DNAH12: variants seen among roughly 807,000 people sequenced by gnomAD.
DNAH12 encodes dynein axonemal heavy chain 12, also known as axonemal beta dynein heavy chain 12.
DNAH12 carries 285 observed loss-of-function variants against 371.5 expected under a neutral mutation model. That is an observed-to-expected ratio of 0.77 (90% CI 0.70 to 0.85). The LOEUF (loss-of-function observed/expected upper bound fraction) is 0.85. Ranked by LOEUF, DNAH12 falls within the 40% of genes least tolerant of loss-of-function variation. The probability of loss-of-function intolerance (pLI) is 0.00; values close to 1 mark genes in which losing one functional copy is unlikely to be tolerated. For missense variants in DNAH12, 3,611 were observed against 3,689.4 expected (o/e 0.98, Z 0.55); for synonymous variants, 1,200 against 1,213.0 (o/e 0.99, Z 0.22).
rs115211291 is a variant in DNAH12 at position 57,510,824 on chromosome 3, T to C, written c.435A>G (p.Ser145=). ...TCTTCATGCTGTTTTCAAAGTCACTTGACACCTCATTTATGAGACTTTCAA... is the reference window on the plus strand; with the variant it reads ...TCTTCATGCTGTTTTCAAAGTCACTCGACACCTCATTTATGAGACTTTCAA... ...ELLESLINEV[S]SDFENSMKRY... The change falls in exon 5 of 74, where the codon TCA becomes TCG. Residue 145 remains serine (S), a synonymous_variant. Transcript: ENST00000495027. 1.2e-6 allele frequency: 2 copies of C among 1,614,070 alleles called. No individual in the cohort carries two copies. Among genetic ancestry groups the C allele is most frequent in the East Asian group, 2.2e-5 (1 of 44,884 alleles).
intron 45 of DNAH12, among the ~76,000 whole-genome samples, chr3:57,391,128 T>C (rs2063613523): frequency 6.6e-6 from 1 of 152,202 alleles, no homozygotes; most frequent in Non-Finnish European, 1.5e-5. Flanking sequence ...GGTTCCCAGA[T>C]ATTTGGTCAA....
chr3:57,483,551 A>C (rs2066824625), intron 12 of DNAH12, 40 bp from the exon 13 acceptor site: 5 of 1,496,124 alleles, frequency 3.3e-6, no homozygotes, highest in Non-Finnish European at 3.6e-6. Context: ...ATGGCAATTA[A>C]TGTTATATCA....
At chr3:57,381,656 G>C (rs920191682) in intron 50 of DNAH12, among the ~76,000 whole-genome samples, 1 of 151,982 alleles carries the variant, frequency 6.6e-6, no homozygotes, top group Non-Finnish European at 1.5e-5. Context: ...CACACTGCTA[G>C]TGGGGTCCGG....
intron 29 of DNAH12, among the ~76,000 whole-genome samples, chr3:57,439,532 C>A (rs2065240551): frequency 6.6e-6 from 1 of 152,096 alleles, no homozygotes; most frequent in South Asian, 2.1e-4. Flanking sequence ...TCACCATATA[C>A]AAAAATTAAC....
intron 51 of DNAH12, among the ~76,000 whole-genome samples, chr3:57,379,700 G>A (rs2063347085): frequency 6.6e-6 from 1 of 151,742 alleles, no homozygotes; most frequent in African/African-American, 2.4e-5. Flanking sequence ...AATTAGCTGG[G>A]CATAGTGGTG....
At chr3:57,475,974 C>T (rs1341810945) in intron 13 of DNAH12, among the ~76,000 whole-genome samples, 1 of 152,030 alleles carries the variant, frequency 6.6e-6, no homozygotes, top group Admixed American at 6.5e-5. Context: ...AGAAGCATTG[C>T]CAGTAATATC....
At chr3:57,378,343 TAATGGAAAGAC>T (rs1224691410) in intron 52 of DNAH12, among the ~76,000 whole-genome samples, 2 of 151,982 alleles carry the variant, frequency 1.3e-5, no homozygotes, top group Non-Finnish European at 2.9e-5. Context: ...ACAAGATGTT[TAATGGAAAGAC>T]ATCCTAGATA....
chr3:57,554,557 C>T, the DNAH12 span, among the ~76,000 whole-genome samples: 1 of 152,130 alleles, frequency 6.6e-6, no homozygotes, highest in Non-Finnish European at 1.5e-5. Flanking sequence ...TCACCTTACT[C>T]ATCACACTGG....
At chr3:57,473,116 C>T (rs2066414220) in intron 13 of DNAH12, among the ~76,000 whole-genome samples, 1 of 151,950 alleles carries the variant, frequency 6.6e-6, no homozygotes, top group African/African-American at 2.4e-5. Context: ...CTGACATCAC[C>T]ACCTTTTTGG....
At chr3:57,518,316 G>C (rs536927225) in intron 4 of DNAH12, among the ~76,000 whole-genome samples, 19 of 152,262 alleles carry the variant, frequency 1.2e-4, no homozygotes, top group African/African-American at 3.9e-4. Context: ...CTGGAGGTCA[G>C]GAGTTTGAGA....
At chr3:57,427,929 T>TG (rs774797574) in intron 34 of DNAH12, among the ~76,000 whole-genome samples, 5 of 151,304 alleles carry the variant, frequency 3.3e-5, no homozygotes, top group African/African-American at 9.7e-5. Context: ...TTTTTGGTTT[T>TG]GGGGTTTTTT....
chr3:57,544,415 G>T (rs529399409), upstream of DNAH12: 1 of 152,382 alleles, frequency 6.6e-6, no homozygotes, highest in East Asian at 1.9e-4. Flanking sequence ...GGGGCTGGGT[G>T]AAGGTTGCCT....
chr3:57,405,632 G>A, intron 41 of DNAH12, 21 bp downstream of exon 41: 1 of 1,544,204 alleles, frequency 6.5e-7, no homozygotes, highest in South Asian at 1.2e-5. Context: ...AACTCAATAT[G>A]TTCTTAATCG....
chr3:57,363,934 T>G, intron 57 of DNAH12, 148 bp from the exon 58 acceptor site: 1 of 152,064 alleles, frequency 6.6e-6, no homozygotes, highest in Admixed American at 6.6e-5. Context: ...CATATAACTA[T>G]TTGAGAAGTT....
chr3:57,314,209 A>G (rs150912669), intron 66 of DNAH12, among the ~76,000 whole-genome samples: 1 of 152,284 alleles, frequency 6.6e-6, no homozygotes, highest in African/African-American at 2.4e-5. Context: ...CTCGATGACA[A>G]CACTGTGATG....
At position 57,433,589 on chromosome 3, in the gene DNAH12, CTTGTT is replaced by C. The variant is rs2065019764; in HGVS notation, c.4839+51_4839+55del. The C allele has an allele frequency of 4.6e-6, 7 of 1,532,542 alleles. No individual in the cohort carries two copies. In the South Asian group the frequency reaches 7.4e-5, roughly 16 times the overall value. The allele number at this position is 1,532,542 out of a possible 1,614,324, so 94.9% of individuals were successfully genotyped here. ...AAAACTATGAAAATACTTCACGTTT[CTTGTT>C]TTAACAGGCACTTTCCATAAGAGAG... is the stretch of plus-strand genomic sequence containing the variant. On this transcript the variant is annotated intron_variant, in intron 31 of 73. Coordinates refer to ENST00000495027, the MANE Select transcript of DNAH12 (RefSeq NM_001366028.2).
At chr3:57,335,012 G>C (rs752376250) in intron 60 of DNAH12, 72 bp from the exon 61 acceptor site, 103 of 1,465,200 alleles carry the variant, frequency 7.0e-5, no homozygotes, top group Non-Finnish European at 9.1e-5. Flanking sequence ...TTCCGCTTTT[G>C]TAACCTGGAT....
At position 57,436,959 on chromosome 3, in the gene DNAH12, A is replaced by G. The variant is rs2065146108; in HGVS notation, c.4647T>C (p.Val1549=). The change falls in exon 30 of 74, where the codon GTT becomes GTC. Residue 1549 remains valine (V), a synonymous_variant. Transcript: ENST00000495027. ...KIIQTYEMMI[V]RHGFMLVGEP... ...GCAATATATAATCTTACCCATGTCTAACAATCATCATTTCATATGTTTGAA... is the reference window on the plus strand; with the variant it reads ...GCAATATATAATCTTACCCATGTCTGACAATCATCATTTCATATGTTTGAA... 2.7e-6 allele frequency: 4 copies of G among 1,467,600 alleles called. No individual in the cohort carries two copies. In the Admixed American group the frequency reaches 1.1e-4, roughly 41 times the overall value. 90.9% of individuals were successfully genotyped at this position (1,467,600 alleles called of 1,614,324 possible).
chr3:57,405,031 C>T lies in DNAH12; in HGVS notation c.6693G>A (p.Val2231=). 6.5e-6 allele frequency: 10 copies of T among 1,545,086 alleles called. No homozygotes were observed. The highest frequency in any genetic ancestry group is 8.7e-6 in the Non-Finnish European group (10 of 1,144,992). ...GATTATACTCATCTAAGCACTGGTC[C>T]ACAACATCACTAAAATGATGAATAT... The part of the protein sequence containing the change: ...IPNIHHFSDV[V]DQCLDEYNQT... The change falls in exon 42 of 74, where the codon GTG becomes GTA. Residue 2231 remains valine (V), a synonymous_variant. Coordinates refer to ENST00000495027, the MANE Select transcript of DNAH12 (RefSeq NM_001366028.2).
Sources: allele counts gnomAD v4.1 joint callset (sites outside exome capture counted in the v4.1 genomes callset), GRCh38; gene constraint gnomAD v4.1.1; transcripts MANE v1.5; gene names NCBI Gene and HGNC (gene_info 2026-07-23, HGNC 2026-07-21).